Variants in WNT7B observed in about 807,000 individuals in gnomAD.
The protein encoded by WNT7B is protein Wnt-7b.
A neutral mutation model predicts 38.2 loss-of-function variants in WNT7B; 19 were observed. The observed-to-expected ratio is 0.50, with a 90% confidence interval of 0.35 to 0.73. WNT7B has a LOEUF of 0.73. Ranked by LOEUF, WNT7B falls within the 30% of genes least tolerant of loss-of-function variation. WNT7B has a pLI of 0.01. For synonymous variants in WNT7B, 243 were observed against 209.3 expected, an observed-to-expected ratio of 1.16 and a Z score of -1.39; for missense variants, 423 against 507.9, an observed-to-expected ratio of 0.83 and a Z score of 1.61.
intron 2 of WNT7B, among the ~76,000 whole-genome samples, chr22:45,943,042 T>G (rs1601726546): frequency 7.1e-6 from 1 of 140,140 alleles, no homozygotes; most frequent in East Asian, 1.9e-4. Context: ...TGCGCGTGTG[T>G]GCAGCATGCA....
At position 45,935,071 on chromosome 22, in the gene WNT7B, AG is replaced by A. The variant is rs1447036022; in HGVS notation, c.299-3703del. ...TGGTGTGCCTAGGTGTGTAGTGGGA[AG>A]GGCAGAAGGGCTGCAGGCTTCCCCC... is the stretch of plus-strand genomic sequence containing the variant. On this transcript the variant is annotated intron_variant, in intron 2 of 3. Transcript: ENST00000339464. 2.9e-4 allele frequency among the ~76,000 whole-genome samples: 44 copies of A among 152,196 alleles called. 1 individual carries two copies. The highest frequency in any genetic ancestry group is 3.3e-4 in the Admixed American group (5 of 15,290).
At chr22:45,933,692 G>A (rs146025457) in intron 2 of WNT7B, among the ~76,000 whole-genome samples, 1 of 152,314 alleles carries the variant, frequency 6.6e-6, no homozygotes, top group African/African-American at 2.4e-5. Flanking sequence ...AAGGCTTCCT[G>A]GAGGAGGTTA....
intron 1 of WNT7B, among the ~76,000 whole-genome samples, chr22:45,971,217 CGGA>C (rs1932429988): frequency 1.5e-5 from 2 of 133,076 alleles, no homozygotes; most frequent in Non-Finnish European, 3.1e-5. Flanking sequence ...CAGGCGACCC[CGGA>C]CGTGGCCCGC....
intron 3 of WNT7B, among the ~76,000 whole-genome samples, chr22:45,930,583 C>G (rs1184925794): frequency 6.6e-6 from 1 of 152,334 alleles, no homozygotes; most frequent in African/African-American, 2.4e-5. Context: ...CACACTCCGT[C>G]CCGCCCCATG....
At chr22:45,941,164 G>T (rs113196116) in intron 2 of WNT7B, among the ~76,000 whole-genome samples, 4 of 152,302 alleles carry the variant, frequency 2.6e-5, no homozygotes, top group African/African-American at 9.6e-5. Flanking sequence ...GAGTCTCAGC[G>T]TAGAGCTAAC....
chr22:45,970,550 T>G (rs1288422383), intron 1 of WNT7B, among the ~76,000 whole-genome samples: 2 of 88,932 alleles, frequency 2.2e-5, no homozygotes, highest in African/African-American at 4.4e-5. Context: ...ACCCCCCCAC[T>G]TCCCTTGCCT....
chr22:45,960,983 A>G (rs540467533), intron 1 of WNT7B, among the ~76,000 whole-genome samples: 5 of 152,298 alleles, frequency 3.3e-5, no homozygotes, highest in African/African-American at 1.2e-4. Flanking sequence ...GTCTGAGGTC[A>G]TTCAGCAGAC....
At chr22:45,952,465 G>A (rs2146735218) in intron 1 of WNT7B, among the ~76,000 whole-genome samples, 1 of 152,350 alleles carries the variant, frequency 6.6e-6, no homozygotes, top group East Asian at 1.9e-4. Context: ...GGATGGGTGG[G>A]GCTGGGAGCG....
At position 45,976,338 on chromosome 22, in the gene WNT7B, A is replaced by G. The variant is rs2146759765; in HGVS notation, c.71+346T>C. 6.7e-6 allele frequency among the ~76,000 whole-genome samples: 1 copy of G among 149,734 alleles called. No homozygotes were observed. Among genetic ancestry groups the G allele is most frequent in the South Asian group, 2.1e-4 (1 of 4,770 alleles). ...AGCGCTCGGCCCGGGCTCGGCGCCC[A>G]GCGCAGCCCGGGGGAGGGAAGGCGC... On this transcript the variant is annotated intron_variant, in intron 1 of 3. Transcript: ENST00000339464. The surrounding 1 kb of genome is among the most constrained non-coding windows in gnomAD (Gnocchi z 8.5).
At chr22:45,956,470 A>G (rs571281133) in intron 1 of WNT7B, among the ~76,000 whole-genome samples, 108 of 152,160 alleles carry the variant, frequency 7.1e-4, no homozygotes, top group Admixed American at 2.0e-3. Context: ...CAAGCCCGAG[A>G]CCAGCAATTG....
chr22:45,947,565 G>A (rs546004457), intron 2 of WNT7B, among the ~76,000 whole-genome samples: 10 of 152,330 alleles, frequency 6.6e-5, no homozygotes, highest in South Asian at 2.1e-4. Context: ...GTGAGCCTGC[G>A]GCCAATAGGG....
Position 45,976,707 on chromosome 22 carries a change from A to G in WNT7B, c.48T>C (p.Phe16=). The G allele has an allele frequency of 1.2e-6, 2 of 1,610,164 alleles. No homozygotes were observed. Among genetic ancestry groups the G allele is most frequent in the East Asian group, 2.2e-5 (1 of 44,692 alleles). The change falls in exon 1 of 4, where the codon TTT becomes TTC. Residue 16 remains phenylalanine (F), a synonymous_variant. Coordinates refer to ENST00000339464, the MANE Select transcript of WNT7B (RefSeq NM_058238.3). This position sits in a 1 kb window ranked among gnomAD's most constrained non-coding sequence, Gnocchi z 8.5. ...RKWIFYVFLC[F]GVLYVKLGAL... is the part of the protein sequence containing the mutation. Reference sequence around the variant, plus strand: ...ACCCGAGCTTCACGTACAGGACGCCAAAGCAGAGAAACACGTAGAAAATCC... The same window carrying G: ...ACCCGAGCTTCACGTACAGGACGCCGAAGCAGAGAAACACGTAGAAAATCC...
At chr22:45,972,751 C>T (rs542401819) in intron 1 of WNT7B, 1 of 152,498 alleles carries the variant, frequency 6.6e-6, no homozygotes, top group Admixed American at 6.5e-5. Context: ...CAGCTCTGGC[C>T]TGGCTCCAGA....
rs1932549623 is a variant in WNT7B, at chr22:45,976,293, G to T, written c.71+391C>A. On this transcript the variant is annotated intron_variant, in intron 1 of 3. Transcript: ENST00000339464. The surrounding 1 kb of genome is among the most constrained non-coding windows in gnomAD (Gnocchi z 8.5). ...GCCGGACGCCCCCCGACCCCGCCCC[G>T]GCGCACCCTCCAGGCGGCGAGCGCT... Among the ~76,000 whole-genome samples, 1 of 148,386 alleles carries T rather than the reference G, an allele frequency of 6.7e-6. No individual in the cohort carries two copies. The highest frequency in any genetic ancestry group is 1.5e-5 in the Non-Finnish European group (1 of 66,650).
At chr22:45,937,682 T>A (rs1931546202) in intron 2 of WNT7B, among the ~76,000 whole-genome samples, 1 of 152,306 alleles carries the variant, frequency 6.6e-6, no homozygotes, top group East Asian at 1.9e-4. Context: ...ACAGTTCAAT[T>A]CTCCTCCCGT....
intron 1 of WNT7B, among the ~76,000 whole-genome samples, chr22:45,954,133 A>G (rs929350253): frequency 2.0e-5 from 3 of 152,186 alleles, no homozygotes; most frequent in Admixed American, 1.3e-4. Flanking sequence ...CAACAATACA[A>G]TGTTACATGA....
At chr22:45,961,282 C>T (rs1228530275) in intron 1 of WNT7B, among the ~76,000 whole-genome samples, 3 of 152,090 alleles carry the variant, frequency 2.0e-5, no homozygotes, top group African/African-American at 7.2e-5. Flanking sequence ...CGCCCGGCCA[C>T]CCCAAGGCTG....
chr22:45,954,083 C>T (rs987910792), intron 1 of WNT7B, among the ~76,000 whole-genome samples: 5 of 152,114 alleles, frequency 3.3e-5, no homozygotes, highest in African/African-American at 9.7e-5. Flanking sequence ...GCCATAAAAA[C>T]GAGCAAAGCA....
At chr22:45,940,295 A>C (rs954812439) in intron 2 of WNT7B, among the ~76,000 whole-genome samples, 2 of 152,204 alleles carry the variant, frequency 1.3e-5, no homozygotes, top group African/African-American at 4.8e-5. Context: ...CGACTGGCCC[A>C]AGGTGACACA....
Sources: allele counts gnomAD v4.1 joint callset (sites outside exome capture counted in the v4.1 genomes callset), GRCh38; gene constraint gnomAD v4.1.1; non-coding constraint Gnocchi (gnomAD v3.1); transcripts MANE v1.5; gene names NCBI Gene and HGNC (gene_info 2026-07-23, HGNC 2026-07-21).